Variants in NRXN1 observed in about 807,000 individuals in gnomAD.
NRXN1 encodes the protein neurexin 1, also known as neurexin-1.
Under a neutral mutation model 150.9 loss-of-function variants are expected in NRXN1, and 39 were observed. The ratio of observed to expected loss-of-function variants is 0.26; its 90% CI spans 0.20 to 0.34. The LOEUF (loss-of-function observed/expected upper bound fraction) is 0.34. Among genes scored for constraint, NRXN1 ranks in the 10% least tolerant of loss-of-function variants. NRXN1 has a pLI of 1.00. For missense variants in NRXN1, 1,815 were observed against 1,949.9 expected, an observed-to-expected ratio of 0.93 and a Z score of 1.30; for synonymous variants, 924 against 757.0, an observed-to-expected ratio of 1.22 and a Z score of -3.62.
intron 17 of NRXN1, among the ~76,000 whole-genome samples, chr2:50,266,427 A>C (rs1366930674): frequency 6.8e-6 from 1 of 147,956 alleles, no homozygotes; most frequent in Non-Finnish European, 1.5e-5. Context: ...ATAAATTTTT[A>C]TATATGCATT....
intron 17 of NRXN1, among the ~76,000 whole-genome samples, chr2:50,353,718 C>A (rs566902812): frequency 1.3e-5 from 2 of 152,148 alleles, no homozygotes; most frequent in South Asian, 4.1e-4. Context: ...TAATGAGCTG[C>A]GATGTGGTTT....
intron 17 of NRXN1, among the ~76,000 whole-genome samples, chr2:50,393,386 G>C (rs750249220): frequency 5.3e-5 from 8 of 151,946 alleles, no homozygotes; most frequent in South Asian, 2.1e-4. Flanking sequence ...TTTGAGTCTT[G>C]TGACCCTCCA....
At chr2:50,634,476 G>A (rs1179026552) in intron 5 of NRXN1, among the ~76,000 whole-genome samples, 2 of 152,072 alleles carry the variant, frequency 1.3e-5, no homozygotes, top group African/African-American at 4.8e-5. Context: ...TGCATAATAA[G>A]CTTTTTAAAG....
At chr2:49,943,657 A>G in intron 22 of NRXN1, 47 bp downstream of exon 22, 1 of 1,309,392 alleles carries the variant, frequency 7.6e-7, no homozygotes, top group Non-Finnish European at 1.1e-6. Flanking sequence ...AACATGCAAC[A>G]AAGATTTACA....
rs181183424 is a variant in NRXN1, at chr2:50,331,906, G to A, written c.3365-94936C>T. 2.3e-3 allele frequency among the ~76,000 whole-genome samples: 354 copies of A among 152,248 alleles called. 2 individuals carry two copies. Among genetic ancestry groups the A allele is most frequent in the African/African-American group, 7.7e-3 (321 of 41,548 alleles). On this transcript the variant is annotated intron_variant, in intron 17 of 22. Transcript: ENST00000401669. Reference sequence around the variant, plus strand: ...GTCTACATTATAATCTCTTAAAGTGGATATTTAGAAATGCAAATTCTTGAG... The same window carrying A: ...GTCTACATTATAATCTCTTAAAGTGAATATTTAGAAATGCAAATTCTTGAG...
intron 18 of NRXN1, among the ~76,000 whole-genome samples, chr2:50,179,855 C>T (rs955634183): frequency 6.6e-6 from 1 of 152,102 alleles, no homozygotes; most frequent in Non-Finnish European, 1.5e-5. Flanking sequence ...CAGATCGAAA[C>T]TGCCTGCTGC....
intron 18 of NRXN1, among the ~76,000 whole-genome samples, chr2:50,098,450 C>T (rs1700528488): frequency 1.3e-5 from 2 of 152,062 alleles, no homozygotes; most frequent in Admixed American, 1.3e-4. Context: ...TCTAACACTA[C>T]CAGCAGGTTC....
At chr2:50,393,898 G>C (rs1399162958) in intron 17 of NRXN1, among the ~76,000 whole-genome samples, 2 of 152,102 alleles carry the variant, frequency 1.3e-5, no homozygotes, top group Non-Finnish European at 2.9e-5. Context: ...CATCTCCAGA[G>C]AGAAGCCACT....
At chr2:50,874,929 G>C (rs1183395595) in intron 5 of NRXN1, among the ~76,000 whole-genome samples, 2 of 151,778 alleles carry the variant, frequency 1.3e-5, no homozygotes, top group Non-Finnish European at 2.9e-5. Context: ...GGTAGATTTA[G>C]ATGCTAAAAC....
At chr2:50,576,797 T>C (rs1671507044) in intron 8 of NRXN1, among the ~76,000 whole-genome samples, 1 of 152,118 alleles carries the variant, frequency 6.6e-6, no homozygotes, top group Non-Finnish European at 1.5e-5. Flanking sequence ...AAAGATGGCT[T>C]TCCTGACCTC....
intron 18 of NRXN1, among the ~76,000 whole-genome samples, chr2:50,110,336 A>T (rs1000098591): frequency 6.6e-6 from 1 of 151,476 alleles, no homozygotes; most frequent in African/African-American, 2.4e-5. Context: ...TAAAAATACA[A>T]AAAAAAATAG....
intron 2 of NRXN1, among the ~76,000 whole-genome samples, chr2:50,959,178 C>A (rs528650090): frequency 3.3e-5 from 5 of 151,976 alleles, no homozygotes; most frequent in Non-Finnish European, 5.9e-5. Context: ...AATGATGCAA[C>A]CCCTTTGGAA....
intron 13 of NRXN1, among the ~76,000 whole-genome samples, chr2:50,505,152 T>C (rs1013736339): frequency 2.0e-5 from 3 of 152,152 alleles, no homozygotes; most frequent in Admixed American, 1.3e-4. Flanking sequence ...ATACTTTCTA[T>C]AGAGCCATAC....
intron 8 of NRXN1, among the ~76,000 whole-genome samples, chr2:50,559,251 C>T (rs1287064826): frequency 1.3e-5 from 2 of 152,286 alleles, no homozygotes; most frequent in Admixed American, 6.5e-5. Context: ...AAAGTACAAG[C>T]GTCATCCAGT....
intron 17 of NRXN1, among the ~76,000 whole-genome samples, chr2:50,331,648 A>G (rs955147129): frequency 6.6e-6 from 1 of 152,194 alleles, no homozygotes; most frequent in African/African-American, 2.4e-5. Flanking sequence ...GTATATCAAC[A>G]GCAATTGATC....
intron 17 of NRXN1, among the ~76,000 whole-genome samples, chr2:50,435,474 T>C (rs1441023916): frequency 6.6e-6 from 1 of 152,194 alleles, no homozygotes; most frequent in East Asian, 1.9e-4. Flanking sequence ...GTAAAGAAAC[T>C]TAAACATTAT....
chr2:50,121,881 G>T (rs1218998205), intron 18 of NRXN1, among the ~76,000 whole-genome samples: 1 of 152,136 alleles, frequency 6.6e-6, no homozygotes, highest in African/African-American at 2.4e-5. Context: ...ATAAAGCTAT[G>T]GGTTATTTAC....
At chr2:50,465,362 C>T in intron 17 of NRXN1, 80 bp downstream of exon 17, 3 of 1,381,002 alleles carry the variant, frequency 2.2e-6, no homozygotes, top group Non-Finnish European at 2.9e-6. Context: ...AATATAAGGA[C>T]TTTCAGTGTT....
chr2:50,155,643 G>C (rs988439265), intron 18 of NRXN1, among the ~76,000 whole-genome samples: 8 of 151,198 alleles, frequency 5.3e-5, no homozygotes, highest in Non-Finnish European at 1.2e-4. Context: ...TTTCCACCCT[G>C]ACATTTATTT....
Sources: allele counts gnomAD v4.1 joint callset (sites outside exome capture counted in the v4.1 genomes callset), GRCh38; gene constraint gnomAD v4.1.1; transcripts MANE v1.5; gene names NCBI Gene and HGNC (gene_info 2026-07-23, HGNC 2026-07-21).